The following BTRC variants were observed in gnomAD, a reference collection of about 807,000 sequenced individuals.
BTRC encodes the protein F-box/WD repeat-containing protein 1A.
Under a neutral mutation model 85.5 loss-of-function variants are expected in BTRC, and 42 were observed. The ratio of observed to expected loss-of-function variants is 0.49; its 90% confidence interval spans 0.38 to 0.64. The LOEUF is 0.64. Ranked by LOEUF, BTRC falls within the 30% of genes least tolerant of loss-of-function variation. The pLI, the probability that BTRC is intolerant of heterozygous loss-of-function variation, is 0.00. For missense variants in BTRC, 594 were observed against 743.5 expected (o/e 0.80, Z 2.34); for synonymous variants, 255 against 263.3 (o/e 0.97, Z 0.30).
At chr10:101,506,796 A>G (rs1247766105) in intron 4 of BTRC, among the ~76,000 whole-genome samples, 1 of 152,184 alleles carries the variant, frequency 6.6e-6, no homozygotes, top group Non-Finnish European at 1.5e-5. Context: ...TAGTGTACTC[A>G]TTGTTTCACA....
At chr10:101,463,544 T>C (rs1945285772) in intron 3 of BTRC, among the ~76,000 whole-genome samples, 1 of 152,116 alleles carries the variant, frequency 6.6e-6, no homozygotes, top group South Asian at 2.1e-4. Context: ...ATAATTCTAA[T>C]TTACTTGGAT....
chr10:101,452,548 G>A (rs751084990), intron 2 of BTRC, among the ~76,000 whole-genome samples: 2 of 152,234 alleles, frequency 1.3e-5, no homozygotes, highest in Non-Finnish European at 2.9e-5. Context: ...CATCTGTAGT[G>A]TTATATGATT....
At chr10:101,545,742 A>G (rs1378079785) in intron 13 of BTRC, among the ~76,000 whole-genome samples, 1 of 152,200 alleles carries the variant, frequency 6.6e-6, no homozygotes, top group Admixed American at 6.5e-5. Flanking sequence ...TGAGCCCCCT[A>G]GTGTATGCCA....
chr10:101,438,663 T>C (rs1020431843), intron 2 of BTRC, among the ~76,000 whole-genome samples: 1 of 152,124 alleles, frequency 6.6e-6, no homozygotes, highest in Non-Finnish European at 1.5e-5. Context: ...AGCCATTGTT[T>C]GGGGGAGTAC....
At chr10:101,550,041 T>C (rs1354686928) in intron 13 of BTRC, among the ~76,000 whole-genome samples, 2 of 152,178 alleles carry the variant, frequency 1.3e-5, no homozygotes, top group African/African-American at 2.4e-5. Flanking sequence ...CTGCTTCTTA[T>C]TGCTCACCAA....
intron 4 of BTRC, among the ~76,000 whole-genome samples, chr10:101,495,322 C>T (rs1036748108): frequency 7.2e-5 from 11 of 152,192 alleles, no homozygotes; most frequent in Middle Eastern, 3.2e-3. Context: ...TTTTAAGCCT[C>T]CTTTCTAAGT....
In BTRC at chr10:101,531,235, A is replaced by C. The variant is rs1471092660; in HGVS notation, c.744-2A>C. 2.5e-6 allele frequency: 4 copies of C among 1,571,746 alleles called. No homozygotes were observed. The highest frequency in any genetic ancestry group is 3.5e-6 in the Non-Finnish European group (4 of 1,146,018). On this transcript the variant is annotated splice_acceptor_variant, in intron 6 of 14. Transcript: ENST00000370187. LOFTEE classifies it high-confidence loss of function. ...CACTGGGAAATATTTGTTATTTTTT[A>C]GGGGACAGTATTTATTCAAAAACAA...
intron 8 of BTRC, 58 bp downstream of exon 8, chr10:101,532,490 A>G: frequency 6.6e-7 from 1 of 1,516,966 alleles, no homozygotes; most frequent in Non-Finnish European, 8.8e-7. Context: ...CCACATTCAT[A>G]GCGCAGTCTA....
intron 1 of BTRC, among the ~76,000 whole-genome samples, chr10:101,379,573 T>A (rs1942877980): frequency 6.6e-6 from 1 of 151,620 alleles, no homozygotes; most frequent in African/African-American, 2.4e-5. Context: ...ATACTACATA[T>A]TTTTTTTTCC....
chr10:101,480,175 T>G (rs1945797704), intron 4 of BTRC, among the ~76,000 whole-genome samples: 1 of 152,222 alleles, frequency 6.6e-6, no homozygotes, highest in Non-Finnish European at 1.5e-5. Flanking sequence ...AATATTGCCT[T>G]TATATCTATT....
At chr10:101,397,732 T>C (rs571862549) in intron 1 of BTRC, among the ~76,000 whole-genome samples, 1 of 152,216 alleles carries the variant, frequency 6.6e-6, no homozygotes, top group Non-Finnish European at 1.5e-5. Flanking sequence ...CATACCCTGT[T>C]ACTGTATCAT....
intron 1 of BTRC, among the ~76,000 whole-genome samples, chr10:101,408,978 G>C (rs987984891): frequency 2.6e-5 from 4 of 152,178 alleles, no homozygotes; most frequent in African/African-American, 7.2e-5. Flanking sequence ...GAACCGGGGA[G>C]ACGGAGGTTG....
At chr10:101,368,254 C>T (rs1564731643) in intron 1 of BTRC, among the ~76,000 whole-genome samples, 1 of 152,196 alleles carries the variant, frequency 6.6e-6, no homozygotes, top group Non-Finnish European at 1.5e-5. Flanking sequence ...GTGATTTCTG[C>T]ACATGCAGCT....
intron 13 of BTRC, among the ~76,000 whole-genome samples, chr10:101,541,411 C>T (rs926592447): frequency 6.6e-6 from 1 of 152,160 alleles, no homozygotes; most frequent in Non-Finnish European, 1.5e-5. Context: ...AGGCACGTGC[C>T]ACCATGCCCG....
chr10:101,491,504 G>A (rs920731013), intron 4 of BTRC, among the ~76,000 whole-genome samples: 2 of 152,062 alleles, frequency 1.3e-5, no homozygotes, highest in Non-Finnish European at 2.9e-5. Context: ...AGACCAGCCT[G>A]GCCAATGTGC....
At chr10:101,409,435 T>C (rs1943716782) in intron 1 of BTRC, among the ~76,000 whole-genome samples, 1 of 152,270 alleles carries the variant, frequency 6.6e-6, no homozygotes, top group Non-Finnish European at 1.5e-5. Context: ...TTCCATTGTA[T>C]GTACATACAG....
intron 5 of BTRC, among the ~76,000 whole-genome samples, chr10:101,524,710 T>A (rs147412816): frequency 1.2e-3 from 179 of 152,338 alleles, no homozygotes; most frequent in African/African-American, 4.2e-3. Flanking sequence ...AGTTTTAATA[T>A]AAATTGTACC....
chr10:101,367,150 A>T (rs541261835), intron 1 of BTRC, among the ~76,000 whole-genome samples: 61 of 141,380 alleles, frequency 4.3e-4, no homozygotes, highest in South Asian at 1.3e-3. Flanking sequence ...GGCTCACTGC[A>T]TCGTCTGCCT....
chr10:101,446,929 G>T (rs557777764), intron 2 of BTRC, among the ~76,000 whole-genome samples: 81 of 135,116 alleles, frequency 6.0e-4, no homozygotes, highest in Non-Finnish European at 9.9e-4. Context: ...TAGGGAGAAG[G>T]ATACAAGATT....
Sources: allele counts gnomAD v4.1 joint callset (sites outside exome capture counted in the v4.1 genomes callset), GRCh38; gene constraint gnomAD v4.1.1; transcripts MANE v1.5; gene names NCBI Gene and HGNC (gene_info 2026-07-23, HGNC 2026-07-21).